The following MAP3K7 variants were observed in gnomAD, a reference collection of about 807,000 sequenced individuals.
The protein encoded by MAP3K7 is mitogen-activated protein kinase kinase kinase 7, also known as TGF-beta activated kinase 1.
In MAP3K7, 21 loss-of-function variants were observed where a neutral mutation model predicts 84.8. The ratio of observed to expected loss-of-function variants is 0.25; its 90% CI spans 0.18 to 0.36. MAP3K7 has a LOEUF of 0.36. Among genes scored for constraint, MAP3K7 ranks in the 10% least tolerant of loss-of-function variants. The probability of loss-of-function intolerance (pLI) is 1.00; values close to 1 mark genes in which losing one functional copy is unlikely to be tolerated. For missense variants in MAP3K7, 503 were observed against 747.7 expected (o/e 0.67, Z 3.82); for synonymous variants, 241 against 247.7 (o/e 0.97, Z 0.25).
intron 16 of MAP3K7, among the ~76,000 whole-genome samples, chr6:90,517,754 C>T (rs926680219): frequency 4.0e-5 from 6 of 151,370 alleles, no homozygotes; most frequent in African/African-American, 1.5e-4. Context: ...GAAAGCTTTT[C>T]GCAAATTCAG....
intron 13 of MAP3K7, among the ~76,000 whole-genome samples, chr6:90,534,205 C>G (rs806284): frequency 6.6e-6 from 1 of 151,988 alleles, no homozygotes; most frequent in African/African-American, 2.4e-5. Flanking sequence ...AAGGATGGCA[C>G]CTTCCAATTT....
intron 12 of MAP3K7, among the ~76,000 whole-genome samples, chr6:90,539,499 G>A (rs205352): frequency 0.69 from 105,092 of 151,640 alleles, 36,702 homozygotes; most frequent in Middle Eastern, 0.79. Flanking sequence ...TGTGCTAGGT[G>A]AGAACTTGCC....
intron 11 of MAP3K7, among the ~76,000 whole-genome samples, chr6:90,546,637 C>T (rs1293668549): frequency 1.3e-5 from 2 of 152,124 alleles, no homozygotes; most frequent in African/African-American, 4.8e-5. Flanking sequence ...AGTAACAAAA[C>T]ATGTAATTGT....
chr6:90,547,510 A>T, intron 10 of MAP3K7, 123 bp from the exon 11 acceptor site: 1 of 1,114,506 alleles, frequency 9.0e-7, no homozygotes, highest in South Asian at 1.5e-5. Context: ...CTGAAAGGAG[A>T]GGGAAGTTTG....
chr6:90,542,575 CA>C (rs1376294277), intron 12 of MAP3K7: 2 of 756,644 alleles, frequency 2.6e-6, no homozygotes, highest in Non-Finnish European at 3.2e-6. Flanking sequence ...CTGACTTAAA[CA>C]AAAGAACAAA....
At chr6:90,551,645 T>G (rs572530933) in intron 8 of MAP3K7, 1 of 153,950 alleles carries the variant, frequency 6.5e-6, no homozygotes, top group Non-Finnish European at 1.4e-5. Flanking sequence ...TTGATGAAAA[T>G]TGGTATCAGA....
intron 10 of MAP3K7, 135 bp downstream of exon 10, chr6:90,547,912 G>C (rs1035718657): frequency 1.5e-6 from 1 of 669,424 alleles, no homozygotes; most frequent in Non-Finnish European, 2.3e-6. Context: ...GTCTCTATTT[G>C]TAAGCTCTTT....
At chr6:90,574,474 C>A (rs1219099890) in intron 1 of MAP3K7, among the ~76,000 whole-genome samples, 1 of 152,160 alleles carries the variant, frequency 6.6e-6, no homozygotes, top group East Asian at 1.9e-4. Context: ...AAAATTTCAA[C>A]TTTGTGGCAA....
At chr6:90,586,589 A>G (rs1777464422) in intron 1 of MAP3K7, among the ~76,000 whole-genome samples, 175 bp downstream of exon 1, 1 of 152,190 alleles carries the variant, frequency 6.6e-6, no homozygotes, top group Non-Finnish European at 1.5e-5. Flanking sequence ...CGAGCAGTTG[A>G]GCTCAGAGAG....
Position 90,560,305 on chromosome 6 carries a change from G to A in MAP3K7, c.344-91C>T. On this transcript the variant is annotated intron_variant, in intron 4 of 16. Transcript: ENST00000369329. ...CAAGCACTATCAGAACACATGACTGGGTATTTTTCTACATATACATATGCT... is the reference window on the plus strand; with the variant it reads ...CAAGCACTATCAGAACACATGACTGAGTATTTTTCTACATATACATATGCT... 2.3e-6 allele frequency: 3 copies of A among 1,309,574 alleles called. 1 individual carries two copies. The highest frequency in any genetic ancestry group is 2.6e-5 in the South Asian group (2 of 76,486). The allele number at this position is 1,309,574 out of a possible 1,614,324, so 81.1% of individuals were successfully genotyped here. A position where few individuals can be genotyped will look rare whatever the true frequency, so the allele number is the denominator to read the frequency against.
chr6:90,550,588 T>G, intron 8 of MAP3K7, 39 bp from the exon 9 acceptor site: 1 of 1,254,906 alleles, frequency 8.0e-7, no homozygotes, highest in African/African-American at 1.5e-5. Context: ...AAAATTTCCT[T>G]AATACAAATT....
intron 13 of MAP3K7, among the ~76,000 whole-genome samples, chr6:90,533,993 A>G (rs1191271898): frequency 2.6e-5 from 4 of 152,134 alleles, no homozygotes; most frequent in Non-Finnish European, 4.4e-5. Flanking sequence ...ACCTATACTT[A>G]TATCATTACT....
intron 11 of MAP3K7, among the ~76,000 whole-genome samples, chr6:90,545,351 A>C (rs1229292990): frequency 1.3e-5 from 2 of 152,114 alleles, no homozygotes; most frequent in Non-Finnish European, 2.9e-5. Flanking sequence ...GCAAAATTTT[A>C]ATGTGTGTGG....
Position 90,523,781 on chromosome 6 carries a change from C to T in MAP3K7, c.1359G>A (p.Val453=). ...LTVTGTEPGQ[V]SSRSSSPSVR... is the part of the protein sequence containing the mutation. Reference sequence around the variant, plus strand: ...CACTGGGACTGGATGACCTACTGCTCACCTACAGGAAGAAGTCACAGGAGA... The same window carrying T: ...CACTGGGACTGGATGACCTACTGCTTACCTACAGGAAGAAGTCACAGGAGA... Residue 453 remains valine, a splice_region_variant and synonymous_variant, in exon 14 of 17, where the codon GTG becomes GTA. Coordinates refer to ENST00000369329, the MANE Select transcript of MAP3K7 (RefSeq NM_145331.3). 6.4e-7 allele frequency: 1 copy of T among 1,566,468 alleles called. No individual in the cohort carries two copies. Among genetic ancestry groups the T allele is most frequent in the Non-Finnish European group, 8.8e-7 (1 of 1,137,068 alleles).
chr6:90,544,680 T>C (rs1775949507), intron 11 of MAP3K7, 48 bp from the exon 12 acceptor site: 1 of 1,441,098 alleles, frequency 6.9e-7, no homozygotes, highest in Non-Finnish European at 9.8e-7. Flanking sequence ...CCACAAACAG[T>C]AACACGGAAA....
Position 90,544,614 on chromosome 6 carries a change from C to T in MAP3K7, c.1229G>A (p.Arg410Gln), listed in dbSNP as rs201721045. The T allele has an allele frequency of 1.7e-5, 27 of 1,612,200 alleles. No individual in the cohort carries two copies. Among genetic ancestry groups the T allele is most frequent in the Middle Eastern group, 3.3e-4 (2 of 6,072 alleles). Residue 410 changes from arginine (R) to glutamine (Q), a missense_variant, in exon 12 of 17, where the codon CGG (arginine) becomes CAG (glutamine). This residue lies in a region of MAP3K7 where 286 missense variants were observed against 313.6 expected (regional missense o/e 0.91). Transcript: ENST00000369329. ...AAATGAAGCAGTTTTACGGTGGCCC[C>T]GTTTAGGCTTGGAATAGGCTGCAAA... The part of the protein sequence containing the change: ...AATTAYSKPK[R>Q]GHRKTASFGN...
chr6:90,554,324 G>A (rs1776270048), intron 6 of MAP3K7, among the ~76,000 whole-genome samples: 2 of 152,158 alleles, frequency 1.3e-5, no homozygotes, highest in Admixed American at 1.3e-4. Context: ...TCAATATATG[G>A]TGAAGGGAAA....
intron 1 of MAP3K7, among the ~76,000 whole-genome samples, chr6:90,579,089 C>T (rs1398204227): frequency 6.6e-6 from 1 of 151,956 alleles, no homozygotes; most frequent in Non-Finnish European, 1.5e-5. Context: ...TTCATGGTGC[C>T]AACAAAACAG....
intron 10 of MAP3K7, 114 bp from the exon 11 acceptor site, chr6:90,547,501 T>C: frequency 8.4e-7 from 1 of 1,190,566 alleles, no homozygotes; most frequent in South Asian, 1.4e-5. Context: ...TGTTCTGCTC[T>C]GAAAGGAGAG....
Sources: allele counts gnomAD v4.1 joint callset (sites outside exome capture counted in the v4.1 genomes callset), GRCh38; gene constraint gnomAD v4.1.1; regional missense constraint gnomAD v4.1.1; transcripts MANE v1.5; gene names NCBI Gene and HGNC (gene_info 2026-07-23, HGNC 2026-07-21).